ELP3: variants seen among roughly 807,000 people sequenced by gnomAD.
ELP3 encodes elongator acetyltransferase complex subunit 3.
A neutral mutation model predicts 74.9 loss-of-function variants in ELP3; 56 were observed. The ratio of observed to expected loss-of-function variants is 0.75; its 90% CI spans 0.60 to 0.93. The LOEUF is 0.93. Among genes scored for constraint, ELP3 ranks in the 40% least tolerant of loss-of-function variants. ELP3 has a pLI of 0.00. For missense variants in ELP3, 573 were observed against 686.5 expected, an observed-to-expected ratio of 0.83 and a Z score of 1.85; for synonymous variants, 222 against 239.8, an observed-to-expected ratio of 0.93 and a Z score of 0.68.
chr8:28,114,587 G>A (rs115293942), intron 7 of ELP3, among the ~76,000 whole-genome samples: 334 of 152,178 alleles, frequency 2.2e-3, no homozygotes, highest in African/African-American at 7.3e-3. Flanking sequence ...AGGAGATGGT[G>A]GTAAGCCATT....
At chr8:28,171,694 G>A (rs1230360319) in intron 14 of ELP3, among the ~76,000 whole-genome samples, 1 of 152,004 alleles carries the variant, frequency 6.6e-6, no homozygotes, top group Non-Finnish European at 1.5e-5. Flanking sequence ...TTTGTTATTT[G>A]TGTCTTTGGT....
chr8:28,097,290 G>A lies in ELP3; in HGVS notation c.91G>A (p.Glu31Lys), dbSNP rs762715756. The change falls in exon 2 of 15, where the codon GAG becomes AAG. Residue 31 changes from glutamate (E) to lysine (K), a missense_variant. By Grantham distance (56) the Glu-to-Lys change is moderately conservative. Transcript: ENST00000256398. ...TATTAAACAACTGATTGAAGCCCAC[G>A]AGCAGGGGAAAGACATCGATCTAAA... is the stretch of plus-strand genomic sequence containing the variant. ...DVIKQLIEAH[E>K]QGKDIDLNKV... is the part of the protein sequence containing the mutation. 45 of 1,613,654 alleles carry A rather than the reference G, an allele frequency of 2.8e-5. No homozygotes were observed. Among genetic ancestry groups the A allele is most frequent in the Middle Eastern group, 1.6e-4 (1 of 6,084 alleles).
At chr8:28,146,085 C>CT (rs1179346439) in intron 10 of ELP3, among the ~76,000 whole-genome samples, 4 of 152,000 alleles carry the variant, frequency 2.6e-5, no homozygotes, top group Non-Finnish European at 5.9e-5. Context: ...TACCCATTAC[C>CT]TTTTTTTTAA....
At chr8:28,120,760 A>G (rs143812102) in intron 7 of ELP3, among the ~76,000 whole-genome samples, 41 of 152,338 alleles carry the variant, frequency 2.7e-4, no homozygotes, top group African/African-American at 9.1e-4. Context: ...TTTTCCCCAT[A>G]TAGACAGCTA....
At position 28,191,001 on chromosome 8, in the gene ELP3, T is replaced by G. The variant is rs1366813930; in HGVS notation, c.*1276T>G. 1 of 152,246 alleles carries G rather than the reference T, an allele frequency of 6.6e-6. No individual in the cohort carries two copies. Among genetic ancestry groups the G allele is most frequent in the Admixed American group, 6.5e-5 (1 of 15,280 alleles). The allele number at this position is 152,246 out of a possible 1,614,324, so 9.4% of individuals were successfully genotyped here. A position where few individuals can be genotyped will look rare whatever the true frequency, so the allele number is the denominator to read the frequency against. On this transcript the variant is annotated 3_prime_UTR_variant, in exon 15 of 15. Coordinates refer to ENST00000256398, the MANE Select transcript of ELP3 (RefSeq NM_018091.6). ...CTTGTAGAACTGCCTCTTTGAAATT[T>G]CGAGGTAATCTACTTTGGAGACTCT... is the stretch of plus-strand genomic sequence containing the variant.
rs138329985 is a variant in ELP3, at chr8:28,139,631, A to G, written c.1100+1740A>G. ...AGTATAACAACTAGTTATAGTACTT[A>G]CAGTGTATTAGATATCAATAAATAA... On this transcript the variant is annotated intron_variant, in intron 10 of 14. Coordinates refer to ENST00000256398, the MANE Select transcript of ELP3 (RefSeq NM_018091.6). Among the ~76,000 whole-genome samples, 341 of 152,290 alleles carry G rather than the reference A, an allele frequency of 2.2e-3. 1 individual carries two copies. The highest frequency in any genetic ancestry group is 7.8e-3 in the African/African-American group (326 of 41,566).
chr8:28,159,758 A>T (rs1390430270), intron 12 of ELP3, among the ~76,000 whole-genome samples: 1 of 152,228 alleles, frequency 6.6e-6, no homozygotes, highest in Non-Finnish European at 1.5e-5. Context: ...GTCAAGGTGC[A>T]GGTGACCAGC....
At chr8:28,146,371 A>C (rs1463995293) in intron 10 of ELP3, among the ~76,000 whole-genome samples, 11 of 152,220 alleles carry the variant, frequency 7.2e-5, no homozygotes, top group Non-Finnish European at 1.5e-4. Flanking sequence ...ATGTTTCTGA[A>C]GTATGAGCAA....
intron 3 of ELP3, among the ~76,000 whole-genome samples, chr8:28,102,364 TC>T (rs1406205493): frequency 1.3e-5 from 2 of 152,242 alleles, no homozygotes; most frequent in Non-Finnish European, 2.9e-5. Flanking sequence ...AAATGCATTT[TC>T]CGTTCCTACT....
chr8:28,171,625 G>C (rs1404925646), intron 14 of ELP3, among the ~76,000 whole-genome samples: 1 of 152,078 alleles, frequency 6.6e-6, no homozygotes, highest in Non-Finnish European at 1.5e-5. Context: ...TCACTTTCTT[G>C]ATACTTTCCT....
intron 14 of ELP3, among the ~76,000 whole-genome samples, chr8:28,168,770 T>C (rs1033692754): frequency 6.6e-6 from 1 of 152,218 alleles, no homozygotes; most frequent in Non-Finnish European, 1.5e-5. Context: ...AGTACTGTTC[T>C]TTTCTCTAAA....
chr8:28,109,053 G>A (rs977566967), intron 5 of ELP3, among the ~76,000 whole-genome samples: 9 of 152,158 alleles, frequency 5.9e-5, no homozygotes, highest in African/African-American at 1.9e-4. Context: ...GGTGAGGGAA[G>A]CATGAGGCTG....
chr8:28,093,148 CT>C lies in ELP3; in HGVS notation c.-64del. On this transcript the variant is annotated 5_prime_UTR_variant, in exon 1 of 15. Coordinates refer to ENST00000256398, the MANE Select transcript of ELP3 (RefSeq NM_018091.6). ...GGCGGGATTGTTTTGTGGCTGTCAG[CT>C]TTCCCCGTGGTCTGAGTTTGTGGCT... is the stretch of plus-strand genomic sequence containing the variant. 2 of 1,595,910 alleles carry C rather than the reference CT, an allele frequency of 1.3e-6. No homozygotes were observed. The highest frequency in any genetic ancestry group is 1.7e-6 in the Non-Finnish European group (2 of 1,172,808).
intron 9 of ELP3, among the ~76,000 whole-genome samples, chr8:28,133,048 A>G (rs564559966): frequency 1.4e-4 from 22 of 152,274 alleles, no homozygotes; most frequent in African/African-American, 5.3e-4. Flanking sequence ...TCATTTCAGC[A>G]GAGTTTTTCT....
At chr8:28,093,117 A>G, upstream of ELP3, 2 of 1,573,238 alleles carry the variant, frequency 1.3e-6, no homozygotes, top group Non-Finnish European at 1.7e-6. Flanking sequence ...CCGACATTTT[A>G]CGACAGGCGG....
intron 14 of ELP3, among the ~76,000 whole-genome samples, chr8:28,187,622 C>T (rs187727986): frequency 1.3e-5 from 2 of 152,168 alleles, no homozygotes; most frequent in African/African-American, 2.4e-5. Context: ...TCCTGTCCCC[C>T]CCATGTAGCC....
rs540516743 is a variant in ELP3 at position 28,150,864 on chromosome 8, A to G, written c.1101-5078A>G. On this transcript the variant is annotated intron_variant, in intron 10 of 14. Coordinates refer to ENST00000256398, the MANE Select transcript of ELP3 (RefSeq NM_018091.6). The stretch of plus-strand genomic sequence containing the variant: ...ATTACACATGTTACACCTTTTATTT[A>G]TTTTAGAGACAGGGTCTCACTCTTA... 2.0e-5 allele frequency among the ~76,000 whole-genome samples: 3 copies of G among 151,964 alleles called. No individual in the cohort carries two copies. In the East Asian group the frequency reaches 5.8e-4, roughly 29 times the overall value.
chr8:28,127,057 T>A lies in ELP3; in HGVS notation c.618-2445T>A, dbSNP rs578220047. Among the ~76,000 whole-genome samples the A allele has an allele frequency of 2.6e-5, 4 of 152,354 alleles. No homozygotes were observed. The South Asian group carries it at 8.3e-4, about 32-fold the overall frequency. ...AGTTGTTTTTTTCTTCCACCATTTC[T>A]GTTGCTGCAAAAGGTAATGACATTT... On this transcript the variant is annotated intron_variant, in intron 7 of 14. Coordinates refer to ENST00000256398, the MANE Select transcript of ELP3 (RefSeq NM_018091.6).
At chr8:28,189,382 G>A (rs1815368043) in intron 14 of ELP3, among the ~76,000 whole-genome samples, 1 of 152,234 alleles carries the variant, frequency 6.6e-6, no homozygotes, top group Non-Finnish European at 1.5e-5. Context: ...GCACACGTTT[G>A]CTGTTGCCTG....
Sources: gnomAD v4.1 joint callset for allele counts (sites outside exome capture counted in the v4.1 genomes callset) on GRCh38, gnomAD v4.1.1 for gene constraint, MANE v1.5 for transcripts, NCBI Gene and HGNC (gene_info 2026-07-23, HGNC 2026-07-21) for gene names.